FNDC3B: variants seen among roughly 807,000 people sequenced by gnomAD.
The protein encoded by FNDC3B is fibronectin type III domain containing 3B.
Under a neutral mutation model 151.5 loss-of-function variants are expected in FNDC3B, and 12 were observed. The ratio of observed to expected loss-of-function variants is 0.08; its 90% CI spans 0.05 to 0.13. The LOEUF (loss-of-function observed/expected upper bound fraction) is 0.13. Among genes scored for constraint, FNDC3B ranks in the 10% least tolerant of loss-of-function variants. The pLI is 1.00. For missense variants in FNDC3B, 1,214 were observed against 1,505.3 expected (o/e 0.81, Z 3.20); for synonymous variants, 528 against 549.0 (o/e 0.96, Z 0.54).
chr3:172,131,408 A>G (rs537407282), intron 2 of FNDC3B, among the ~76,000 whole-genome samples: 1 of 152,152 alleles, frequency 6.6e-6, no homozygotes, highest in African/African-American at 2.4e-5. Context: ...AAAAAAAAAA[A>G]AAACCAAATA....
chr3:172,127,827 G>A (rs534787485), intron 2 of FNDC3B, among the ~76,000 whole-genome samples: 1 of 151,988 alleles, frequency 6.6e-6, no homozygotes, highest in African/African-American at 2.4e-5. Context: ...CATTACCCCC[G>A]GCTAATTTTT....
intron 2 of FNDC3B, among the ~76,000 whole-genome samples, chr3:172,123,106 C>T (rs1431137413): frequency 6.6e-6 from 1 of 152,106 alleles, no homozygotes; most frequent in Non-Finnish European, 1.5e-5. Flanking sequence ...TGATACAGTC[C>T]CAGCTCACTG....
chr3:172,149,806 G>GTTTTTTTTTTTTTTTTTTT (rs10561622), intron 3 of FNDC3B, among the ~76,000 whole-genome samples: 1 of 52,458 alleles, frequency 1.9e-5, no homozygotes, highest in African/African-American at 7.8e-5. Context: ...TATGTTGGGT[G>GTTTTTTTTTTTTTTTTTTT]TTTTTTTTTT....
chr3:172,269,632 GTTGTTTTGTT>G lies in FNDC3B; in HGVS notation c.791-16276_791-16267del, dbSNP rs370434414. 7.1e-4 allele frequency among the ~76,000 whole-genome samples: 107 copies of G among 151,478 alleles called. 1 individual carries two copies. In the East Asian group the frequency reaches 0.01, roughly 14 times the overall value. On this transcript the variant is annotated intron_variant, in intron 6 of 25. Transcript: ENST00000415807. The stretch of plus-strand genomic sequence containing the variant: ...ACAAATCTGTGTGGTTTTTTTGTTT[GTTGTTTTGTT>G]TTGTTTTGTTTTGTTTTTTGGAGAG...
chr3:172,080,882 C>T (rs768485795), intron 1 of FNDC3B, among the ~76,000 whole-genome samples: 29 of 152,154 alleles, frequency 1.9e-4, no homozygotes, highest in Non-Finnish European at 3.7e-4. Context: ...GTGTTGGACT[C>T]ATTTTCCTTA....
At chr3:172,170,783 T>C (rs1326486868) in intron 3 of FNDC3B, among the ~76,000 whole-genome samples, 1 of 152,244 alleles carries the variant, frequency 6.6e-6, no homozygotes, top group Non-Finnish European at 1.5e-5. Context: ...AATGTAACTT[T>C]CAGGTAATGA....
chr3:172,312,330 C>T (rs1465013375), intron 11 of FNDC3B, among the ~76,000 whole-genome samples: 3 of 152,290 alleles, frequency 2.0e-5, no homozygotes, highest in East Asian at 1.9e-4. Flanking sequence ...TCAGCCTTAA[C>T]CCGTACATTC....
At chr3:172,241,528 A>C (rs1462299533) in intron 4 of FNDC3B, among the ~76,000 whole-genome samples, 1 of 152,134 alleles carries the variant, frequency 6.6e-6, no homozygotes, top group Non-Finnish European at 1.5e-5. Context: ...GGTAGAAGGC[A>C]AGGAAAAGCA....
At chr3:172,173,304 C>T (rs879927238) in intron 3 of FNDC3B, among the ~76,000 whole-genome samples, 10 of 152,094 alleles carry the variant, frequency 6.6e-5, no homozygotes, top group South Asian at 2.1e-4. Context: ...ATTCTTTTAT[C>T]GTGGGGGTCC....
chr3:172,325,505 CTTTTT>C (rs760007084), intron 11 of FNDC3B, among the ~76,000 whole-genome samples: 1 of 152,148 alleles, frequency 6.6e-6, no homozygotes, highest in Non-Finnish European at 1.5e-5. Context: ...TAGCTCTTTT[CTTTTT>C]TAACTCCATT....
intron 6 of FNDC3B, among the ~76,000 whole-genome samples, chr3:172,258,355 C>T (rs1032742789): frequency 1.3e-5 from 2 of 152,156 alleles, no homozygotes; most frequent in Non-Finnish European, 2.9e-5. Context: ...CTGACTCCAG[C>T]AGTGTTCCTT....
intron 3 of FNDC3B, among the ~76,000 whole-genome samples, chr3:172,162,824 A>G (rs1722844831): frequency 6.6e-6 from 1 of 152,204 alleles, no homozygotes; most frequent in Non-Finnish European, 1.5e-5. Flanking sequence ...TGCTAGGACC[A>G]GCTTGTCTAT....
rs1576823286 is a variant in FNDC3B, at chr3:172,056,343, A to G, written c.-29+16572A>G. On this transcript the variant is annotated intron_variant, in intron 1 of 25. Coordinates refer to ENST00000415807, the MANE Select transcript of FNDC3B (RefSeq NM_022763.4). ...GAAAGCATAGAATGATTTTCTAGAAAGTTTAATGGCAAGTTGTGTTAGATG... is the reference window on the plus strand; with the variant it reads ...GAAAGCATAGAATGATTTTCTAGAAGGTTTAATGGCAAGTTGTGTTAGATG... 2.0e-5 allele frequency among the ~76,000 whole-genome samples: 3 copies of G among 152,348 alleles called. No homozygotes were observed. In the East Asian group the frequency reaches 5.8e-4, roughly 29 times the overall value.
At chr3:172,140,539 A>G (rs1242303591) in intron 3 of FNDC3B, among the ~76,000 whole-genome samples, 2 of 152,224 alleles carry the variant, frequency 1.3e-5, no homozygotes, top group African/African-American at 4.8e-5. Context: ...CTGACCTGAG[A>G]AACCCTTTTA....
At chr3:172,358,914 G>A (rs1734223015) in intron 22 of FNDC3B, among the ~76,000 whole-genome samples, 1 of 137,138 alleles carries the variant, frequency 7.3e-6, no homozygotes. Context: ...TCCCAAAGAG[G>A]CTACACTGCT....
At position 172,370,743 on chromosome 3, in the gene FNDC3B, T is replaced by C. The variant is rs534426598; in HGVS notation, c.3009-7527T>C. Among the ~76,000 whole-genome samples the C allele has an allele frequency of 2.6e-5, 4 of 152,332 alleles. No individual in the cohort carries two copies. The South Asian group carries it at 6.2e-4, about 24-fold the overall frequency. On this transcript the variant is annotated intron_variant, in intron 23 of 25. Transcript: ENST00000415807. ...GCAAGCAGAATAAAATAAGCAGTCATTGGGTATTCACAAACACATAGAACT... is the reference window on the plus strand; with the variant it reads ...GCAAGCAGAATAAAATAAGCAGTCACTGGGTATTCACAAACACATAGAACT...
chr3:172,065,706 C>T (rs1717464311), intron 1 of FNDC3B, among the ~76,000 whole-genome samples: 1 of 152,216 alleles, frequency 6.6e-6, no homozygotes, highest in Non-Finnish European at 1.5e-5. Context: ...AAAGTTTTGG[C>T]CTCATGCCTG....
At chr3:172,061,514 G>A (rs1205487338) in intron 1 of FNDC3B, among the ~76,000 whole-genome samples, 2 of 152,156 alleles carry the variant, frequency 1.3e-5, no homozygotes, top group Non-Finnish European at 1.5e-5. Context: ...TTACAGGCAT[G>A]AGCCACCACA....
chr3:172,353,754 C>G (rs1733966239), intron 22 of FNDC3B, among the ~76,000 whole-genome samples: 1 of 152,134 alleles, frequency 6.6e-6, no homozygotes, highest in Non-Finnish European at 1.5e-5. Flanking sequence ...AGTAAAACCT[C>G]AAGACCCTAT....
Sources: allele counts gnomAD v4.1 joint callset (sites outside exome capture counted in the v4.1 genomes callset), GRCh38; gene constraint gnomAD v4.1.1; transcripts MANE v1.5; gene names NCBI Gene and HGNC (gene_info 2026-07-23, HGNC 2026-07-21).